C14orf39: variants seen among roughly 807,000 people sequenced by gnomAD.
The protein encoded by C14orf39 is protein SIX6OS1.
Under a neutral mutation model 85.6 loss-of-function variants are expected in C14orf39, and 66 were observed. That is an observed-to-expected ratio of 0.77 (90% CI 0.63 to 0.95). The LOEUF (loss-of-function observed/expected upper bound fraction) is 0.95, where lower values mean the gene tolerates loss of function less well. C14orf39 is among the 40% of genes least tolerant of loss of function. C14orf39 has a pLI of 0.00. For missense variants in C14orf39, 735 were observed against 663.9 expected, an observed-to-expected ratio of 1.11 and a Z score of -1.18; for synonymous variants, 242 against 214.0, an observed-to-expected ratio of 1.13 and a Z score of -1.14.
chr14:60,508,346 C>G (rs1893235544), intron 1 of C14orf39, among the ~76,000 whole-genome samples: 1 of 152,170 alleles, frequency 6.6e-6, no homozygotes, highest in Non-Finnish European at 1.5e-5. Flanking sequence ...TGTGGCTATG[C>G]TGCACTTTGT....
chr14:60,469,144 C>A (rs1891943402), intron 8 of C14orf39, among the ~76,000 whole-genome samples: 1 of 150,910 alleles, frequency 6.6e-6, no homozygotes, highest in South Asian at 2.1e-4. Flanking sequence ...AGTTTAAATT[C>A]TTTATTTACT....
chr14:60,453,438 T>A (rs1048669804), intron 16 of C14orf39, among the ~76,000 whole-genome samples: 3 of 151,912 alleles, frequency 2.0e-5, no homozygotes, highest in African/African-American at 7.2e-5. Context: ...GTCTTTGCCT[T>A]TATATTTAAA....
chr14:60,447,607 G>A (rs139811951), intron 16 of C14orf39, among the ~76,000 whole-genome samples: 15,140 of 152,120 alleles, frequency 0.1, 1,051 homozygotes, highest in Admixed American at 0.2. Flanking sequence ...TCGTGAAAAT[G>A]GCCATACTGC....
chr14:60,508,303 G>A (rs3759689), intron 1 of C14orf39, among the ~76,000 whole-genome samples: 26,176 of 152,212 alleles, frequency 0.17, 2,957 homozygotes, highest in East Asian at 0.54. Context: ...TTAAGTTGCT[G>A]TCCTGACCTA....
At chr14:60,474,215 G>A (rs1892251840) in intron 5 of C14orf39, among the ~76,000 whole-genome samples, 1 of 152,100 alleles carries the variant, frequency 6.6e-6, no homozygotes, top group African/African-American at 2.4e-5. Context: ...TGTTATTGGT[G>A]TATAAGAATG....
rs750878905 is a variant in C14orf39 at position 60,469,571 on chromosome 14, CTTCT to C, written c.633_636del (p.Glu212Ter). 1.3e-6 allele frequency: 2 copies of C among 1,509,908 alleles called. No homozygotes were observed. The highest frequency in any genetic ancestry group is 2.7e-5 in the South Asian group (2 of 73,954). 93.5% of individuals were successfully genotyped at this position (1,509,908 alleles called of 1,614,324 possible). A position where few individuals can be genotyped will look rare whatever the true frequency, so the allele number is the denominator to read the frequency against. Reference sequence around the variant, plus strand: ...TTAATTTCTATTTCCATTTCATCTACTTCTTTCTTCAATTCGGATGAACTTTTGG... The same window carrying C: ...TTAATTTCTATTTCCATTTCATCTACTTCTTCAATTCGGATGAACTTTTGG... On this transcript the variant is annotated frameshift_variant, in exon 8 of 18. Coordinates refer to ENST00000321731, the MANE Select transcript of C14orf39 (RefSeq NM_174978.3). LOFTEE classifies it high-confidence loss of function.
intron 2 of C14orf39, chr14:60,496,867 C>T (rs1195452022): frequency 6.6e-6 from 1 of 152,466 alleles, no homozygotes; most frequent in Non-Finnish European, 1.5e-5. Context: ...TGTGGTTTCA[C>T]CTGCTTGTTC....
intron 7 of C14orf39, among the ~76,000 whole-genome samples, chr14:60,470,499 T>C (rs991289157): frequency 2.0e-5 from 3 of 151,858 alleles, no homozygotes; most frequent in Non-Finnish European, 4.4e-5. Flanking sequence ...AATCCTAATC[T>C]TCAAATCTTC....
Position 60,484,760 on chromosome 14 carries a change from A to T in C14orf39, c.106+121T>A. On this transcript the variant is annotated intron_variant, in intron 3 of 17. Coordinates refer to ENST00000321731, the MANE Select transcript of C14orf39 (RefSeq NM_174978.3). This position sits in a 1 kb window ranked among gnomAD's most constrained non-coding sequence, Gnocchi z 4.2. ...TAGGGTAAATAGTTTATTTGTCGCT[A>T]GAGAGAACTGACACAAAAGTTATAA... 1 of 676,014 alleles carries T rather than the reference A, an allele frequency of 1.5e-6. No homozygotes were observed. The highest frequency in any genetic ancestry group is 1.9e-5 in the South Asian group (1 of 52,874). 41.9% of individuals were successfully genotyped at this position (676,014 alleles called of 1,614,324 possible).
At chr14:60,470,656 GAAC>G (rs775022429) in intron 7 of C14orf39, among the ~76,000 whole-genome samples, 25 of 151,732 alleles carry the variant, frequency 1.6e-4, no homozygotes, top group Non-Finnish European at 3.4e-4. Context: ...GGCAGCAAAT[GAAC>G]AACAAAAAAC....
intron 17 of C14orf39, among the ~76,000 whole-genome samples, 197 bp downstream of exon 17, chr14:60,441,877 G>C (rs781577699): frequency 1.3e-5 from 2 of 152,076 alleles, no homozygotes; most frequent in Non-Finnish European, 2.9e-5. Flanking sequence ...AATAACCTTG[G>C]AGAAAGTAAG....
intron 5 of C14orf39, among the ~76,000 whole-genome samples, chr14:60,472,672 A>G (rs997133611): frequency 4.6e-5 from 7 of 151,934 alleles, no homozygotes; most frequent in African/African-American, 1.7e-4. Context: ...TGTCCTTGCA[A>G]TAATAGTTTG....
intron 10 of C14orf39, among the ~76,000 whole-genome samples, chr14:60,466,495 C>T (rs753736151): frequency 1.3e-5 from 2 of 151,762 alleles, no homozygotes; most frequent in Non-Finnish European, 2.9e-5. Context: ...TTTGCACCAA[C>T]CTAATAGTTA....
chr14:60,507,631 T>C (rs1371746943), intron 1 of C14orf39, among the ~76,000 whole-genome samples: 1 of 152,082 alleles, frequency 6.6e-6, no homozygotes, highest in Non-Finnish European at 1.5e-5. Flanking sequence ...AATATCAGGG[T>C]TTTCCGTCAG....
At chr14:60,481,540 G>T (rs1268773847) in intron 4 of C14orf39, among the ~76,000 whole-genome samples, 1 of 151,912 alleles carries the variant, frequency 6.6e-6, no homozygotes, top group East Asian at 1.9e-4. Context: ...AATATATACT[G>T]GCATGTCATC....
chr14:60,498,215 T>C (rs1893095762), intron 2 of C14orf39, among the ~76,000 whole-genome samples: 1 of 152,274 alleles, frequency 6.6e-6, no homozygotes, highest in African/African-American at 2.4e-5. Context: ...TGCACTTCTA[T>C]ATTTCTATAC....
chr14:60,458,798 A>G, intron 13 of C14orf39, 59 bp from the exon 14 acceptor site: 8 of 1,397,284 alleles, frequency 5.7e-6, no homozygotes, highest in East Asian at 2.3e-5. Flanking sequence ...AAAATAAAAC[A>G]TAGTCTCGCC....
chr14:60,437,398 A>C (rs1890305319), intron 17 of C14orf39, among the ~76,000 whole-genome samples: 1 of 152,052 alleles, frequency 6.6e-6, no homozygotes, highest in Admixed American at 6.6e-5. Flanking sequence ...AAATCTATTC[A>C]GCTTAGCAGG....
At position 60,511,162 on chromosome 14, in the gene C14orf39, C is replaced by T. The variant is rs368912930; in HGVS notation, c.-144+4233G>A. The T allele has an allele frequency of 8.6e-5, 138 of 1,612,856 alleles. No homozygotes were observed. The highest frequency in any genetic ancestry group is 3.7e-4 in the Admixed American group (22 of 60,024). On this transcript the variant is annotated intron_variant, in intron 1 of 5. Coordinates refer to the C14orf39 transcript ENST00000556799. ...GCGACGGCACGCCAGAGGTGCTGGG[C>T]GTCGCCACCAGCCCGGCCGCCAGTC...
Sources: allele counts gnomAD v4.1 joint callset (sites outside exome capture counted in the v4.1 genomes callset), GRCh38; gene constraint gnomAD v4.1.1; non-coding constraint Gnocchi (gnomAD v3.1); transcripts MANE v1.5; gene names NCBI Gene and HGNC (gene_info 2026-07-23, HGNC 2026-07-21).